Variants in PRKN observed in about 807,000 individuals in gnomAD.
PRKN encodes the protein parkin RBR E3 ubiquitin protein ligase, also known as E3 ubiquitin-protein ligase parkin.
A neutral mutation model predicts 59.5 loss-of-function variants in PRKN; 56 were observed. The observed-to-expected ratio is 0.94, with a 90% CI of 0.76 to 1.18. The LOEUF (loss-of-function observed/expected upper bound fraction) is 1.18. PRKN is among the 50% of genes most tolerant of loss of function. The pLI is 0.00. For missense variants in PRKN, 657 were observed against 596.4 expected (o/e 1.10, Z -1.06); for synonymous variants, 250 against 222.1 (o/e 1.13, Z -1.12).
chr6:162,416,555 C>T (rs1266574649), intron 2 of PRKN, among the ~76,000 whole-genome samples: 1 of 152,172 alleles, frequency 6.6e-6, no homozygotes, highest in Admixed American at 6.5e-5. Flanking sequence ...ATTAAACCTG[C>T]TGCCAGGCTG....
At chr6:162,150,230 C>T (rs891499389) in intron 4 of PRKN, among the ~76,000 whole-genome samples, 2 of 152,186 alleles carry the variant, frequency 1.3e-5, no homozygotes, top group African/African-American at 4.8e-5. Context: ...TGAAAAGGAT[C>T]GGTCACAGCA....
At chr6:162,290,262 T>C (rs1379040522) in intron 2 of PRKN, among the ~76,000 whole-genome samples, 2 of 152,156 alleles carry the variant, frequency 1.3e-5, no homozygotes, top group East Asian at 1.9e-4. Context: ...AGGTCAAGTA[T>C]AGTTGTTTGC....
intron 1 of PRKN, among the ~76,000 whole-genome samples, chr6:162,551,893 T>A (rs1186487818): frequency 6.6e-6 from 1 of 152,074 alleles, no homozygotes; most frequent in Non-Finnish European, 1.5e-5. Flanking sequence ...AGACTTGGAG[T>A]CTAGTGGAAG....
chr6:162,542,378 C>G (rs1778961003), intron 1 of PRKN, among the ~76,000 whole-genome samples: 1 of 152,134 alleles, frequency 6.6e-6, no homozygotes. Context: ...GGGCTATTAA[C>G]AGGCAGAATT....
At position 161,561,485 on chromosome 6, in the gene PRKN, G is replaced by A. The variant is rs1448594272; in HGVS notation, c.933+7870C>T. Among the ~76,000 whole-genome samples, 5 of 152,092 alleles carry A rather than the reference G, an allele frequency of 3.3e-5. No individual in the cohort carries two copies. The highest frequency in any genetic ancestry group is 7.2e-5 in the African/African-American group (3 of 41,432). On this transcript the variant is annotated intron_variant, in intron 8 of 11. Transcript: ENST00000366898. This position sits in a 1 kb window ranked among gnomAD's most constrained non-coding sequence, Gnocchi z 5.0. ...TCAAGTACTCTTCTATGTGGAAGAC[G>A]CAGCAGTGAAAAATGACATCTTCCT...
intron 9 of PRKN, among the ~76,000 whole-genome samples, chr6:161,541,527 A>G (rs1459502183): frequency 6.6e-6 from 1 of 152,236 alleles, no homozygotes; most frequent in Non-Finnish European, 1.5e-5. Context: ...ATTTTGAAAG[A>G]GTATAATTAT....
At chr6:162,011,344 TTATA>T (rs1782674531) in intron 5 of PRKN, among the ~76,000 whole-genome samples, 1 of 13,996 alleles carries the variant, frequency 7.1e-5, no homozygotes, top group East Asian at 3.0e-3. Context: ...ATATTATATA[TTATA>T]ATATATATTT....
intron 7 of PRKN, among the ~76,000 whole-genome samples, chr6:161,606,655 G>A (rs900074925): frequency 6.6e-6 from 1 of 152,206 alleles, no homozygotes; most frequent in Non-Finnish European, 1.5e-5. Flanking sequence ...AGCAGAGAAA[G>A]CTAAAGCCTC....
At chr6:162,128,238 T>C (rs1781199362) in intron 4 of PRKN, among the ~76,000 whole-genome samples, 1 of 152,070 alleles carries the variant, frequency 6.6e-6, no homozygotes, top group Non-Finnish European at 1.5e-5. Context: ...TAACAGAAAA[T>C]ATGTAGATGT....
intron 4 of PRKN, among the ~76,000 whole-genome samples, chr6:162,139,479 A>G (rs1781687452): frequency 6.6e-6 from 1 of 152,194 alleles, no homozygotes; most frequent in Non-Finnish European, 1.5e-5. Flanking sequence ...ACAGAGGCTT[A>G]TGAGGACGTC....
intron 9 of PRKN, among the ~76,000 whole-genome samples, chr6:161,424,604 C>T (rs1788251415): frequency 6.6e-6 from 1 of 152,220 alleles, no homozygotes; most frequent in East Asian, 1.9e-4. Context: ...ATTGGGGCCA[C>T]CTTGGTCTAG....
chr6:161,421,357 A>G (rs1201634477), intron 9 of PRKN, among the ~76,000 whole-genome samples: 1 of 152,226 alleles, frequency 6.6e-6, no homozygotes, highest in Non-Finnish European at 1.5e-5. Flanking sequence ...ATTTCCATCC[A>G]AAAGTTGTAG....
chr6:162,016,112 A>G (rs1782923723), intron 5 of PRKN, among the ~76,000 whole-genome samples: 2 of 150,644 alleles, frequency 1.3e-5, no homozygotes, highest in South Asian at 4.3e-4. Flanking sequence ...TTTTCTGCCA[A>G]AGAAATAAAA....
chr6:162,575,270 T>A (rs999051512), intron 1 of PRKN, among the ~76,000 whole-genome samples: 1 of 152,156 alleles, frequency 6.6e-6, no homozygotes, highest in Non-Finnish European at 1.5e-5. Context: ...GTTCTTCACC[T>A]CTTCATTGCT....
At chr6:162,205,109 C>T (rs1479198948) in intron 3 of PRKN, among the ~76,000 whole-genome samples, 1 of 152,058 alleles carries the variant, frequency 6.6e-6, no homozygotes, top group African/African-American at 2.4e-5. Context: ...GATCTGCCCA[C>T]CTCAGCCTCT....
chr6:162,354,700 T>C (rs542843035), intron 2 of PRKN, among the ~76,000 whole-genome samples: 1 of 152,040 alleles, frequency 6.6e-6, no homozygotes, highest in Non-Finnish European at 1.5e-5. Context: ...AGTTCCTTCC[T>C]CCCTTCGTTA....
At chr6:162,050,292 T>C (rs939919186) in intron 5 of PRKN, among the ~76,000 whole-genome samples, 7 of 152,194 alleles carry the variant, frequency 4.6e-5, no homozygotes, top group Admixed American at 2.0e-4. Flanking sequence ...GTTTTAGGTA[T>C]GTCTTTTGTA....
At chr6:161,434,838 A>C (rs570770687) in intron 9 of PRKN, among the ~76,000 whole-genome samples, 1 of 152,256 alleles carries the variant, frequency 6.6e-6, no homozygotes, top group Admixed American at 6.5e-5. Context: ...TCTGTAATAT[A>C]TTCATCTTTA....
At chr6:162,621,915 A>G (rs956098480) in intron 1 of PRKN, among the ~76,000 whole-genome samples, 2 of 152,104 alleles carry the variant, frequency 1.3e-5, no homozygotes, top group East Asian at 3.9e-4. Context: ...TCCGGGTTCA[A>G]TTGATTCTCC....
Sources: gnomAD v4.1 joint callset for allele counts (sites outside exome capture counted in the v4.1 genomes callset) on GRCh38, gnomAD v4.1.1 for gene constraint, Gnocchi (gnomAD v3.1) non-coding constraint, MANE v1.5 for transcripts, NCBI Gene and HGNC (gene_info 2026-07-23, HGNC 2026-07-21) for gene names.